ATP8B4: variants seen among roughly 807,000 people sequenced by gnomAD.
ATP8B4 encodes ATPase phospholipid transporting 8B4 (putative), also known as probable phospholipid-transporting ATPase IM.
ATP8B4 carries 133 observed loss-of-function variants against 145.6 expected under a neutral mutation model. The ratio of observed to expected loss-of-function variants is 0.91; its 90% CI spans 0.79 to 1.05. ATP8B4 has a LOEUF of 1.05. Ranked by LOEUF, ATP8B4 falls within the 50% of genes least tolerant of loss-of-function variation. The pLI is 0.00. For synonymous variants in ATP8B4, 507 were observed against 492.9 expected, an observed-to-expected ratio of 1.03 and a Z score of -0.38; for missense variants, 1,458 against 1,425.2, an observed-to-expected ratio of 1.02 and a Z score of -0.37.
At chr15:50,162,446 T>G (rs2044534105) in intron 1 of ATP8B4, among the ~76,000 whole-genome samples, 1 of 152,122 alleles carries the variant, frequency 6.6e-6, no homozygotes, top group East Asian at 1.9e-4. Flanking sequence ...TTGAGACCAA[T>G]GACTCTTAGA....
chr15:49,862,168 T>C, intron 27 of ATP8B4, 77 bp downstream of exon 27: 1 of 1,518,224 alleles, frequency 6.6e-7, no homozygotes, highest in South Asian at 1.2e-5. Flanking sequence ...ATCTCTGAGC[T>C]TCCAATAAGG....
intron 6 of ATP8B4, among the ~76,000 whole-genome samples, chr15:50,020,527 C>T (rs775121781): frequency 6.6e-6 from 1 of 152,164 alleles, no homozygotes; most frequent in Non-Finnish European, 1.5e-5. Flanking sequence ...CCGCCTCAGC[C>T]TCCCAAAGTG....
At chr15:49,917,587 C>A (rs2039872563) in intron 19 of ATP8B4, among the ~76,000 whole-genome samples, 1 of 152,118 alleles carries the variant, frequency 6.6e-6, no homozygotes, top group South Asian at 2.1e-4. Flanking sequence ...ATTTGACTAT[C>A]ATCTCAAAAA....
intron 14 of ATP8B4, among the ~76,000 whole-genome samples, chr15:49,957,680 T>A (rs1173798968): frequency 6.6e-6 from 1 of 151,740 alleles, no homozygotes; most frequent in Non-Finnish European, 1.5e-5. Context: ...ATTGAATGAG[T>A]CAAAAAAGAG....
At chr15:50,148,917 T>C (rs74012175) in intron 1 of ATP8B4, among the ~76,000 whole-genome samples, 8,491 of 152,294 alleles carry the variant, frequency 0.056, 268 homozygotes, top group African/African-American at 0.085. Context: ...GAATAAAATG[T>C]TATATTGTCT....
intron 26 of ATP8B4, among the ~76,000 whole-genome samples, chr15:49,862,971 C>A (rs554384678): frequency 7.9e-5 from 12 of 152,228 alleles, no homozygotes; most frequent in African/African-American, 2.9e-4. Context: ...TACAAAGCAG[C>A]CATTATTTTT....
intron 14 of ATP8B4, among the ~76,000 whole-genome samples, chr15:49,950,590 T>TAAAAAAAAAA (rs766902500): frequency 1.5e-4 from 7 of 46,316 alleles, no homozygotes; most frequent in African/African-American, 3.4e-4. Context: ...ATGTATTAAC[T>TAAAAAAAAAA]AAAAAAAAAA....
intron 3 of ATP8B4, among the ~76,000 whole-genome samples, chr15:50,048,544 C>T (rs1284030982): frequency 6.6e-6 from 1 of 151,852 alleles, no homozygotes; most frequent in African/African-American, 2.4e-5. Context: ...CCCCTCTCTA[C>T]TACAAATACA....
At chr15:49,921,577 G>C (rs1184823986) in intron 17 of ATP8B4, among the ~76,000 whole-genome samples, 1 of 152,182 alleles carries the variant, frequency 6.6e-6, no homozygotes, top group Non-Finnish European at 1.5e-5. Flanking sequence ...TACACTGCAA[G>C]TAAAGCATTT....
At chr15:49,875,263 CT>C (rs1362645994) in intron 25 of ATP8B4, among the ~76,000 whole-genome samples, 1 of 152,108 alleles carries the variant, frequency 6.6e-6, no homozygotes, top group Non-Finnish European at 1.5e-5. Flanking sequence ...AGATAGTGGC[CT>C]TTTATTTCAG....
intron 3 of ATP8B4, among the ~76,000 whole-genome samples, chr15:50,048,477 G>T (rs1023234976): frequency 6.6e-6 from 1 of 152,202 alleles, no homozygotes; most frequent in Admixed American, 6.5e-5. Context: ...GGAGGCAGAG[G>T]TAGGTGGATC....
intron 2 of ATP8B4, among the ~76,000 whole-genome samples, chr15:50,076,383 T>G (rs1263571254): frequency 6.6e-6 from 1 of 152,004 alleles, no homozygotes; most frequent in East Asian, 1.9e-4. Flanking sequence ...TCCCAGCTAC[T>G]TGGGAGGCTG....
At chr15:49,971,188 GC>G (rs2153521019) in intron 13 of ATP8B4, among the ~76,000 whole-genome samples, 1 of 152,070 alleles carries the variant, frequency 6.6e-6, no homozygotes, top group African/African-American at 2.4e-5. Context: ...CCTAGGCAAT[GC>G]CATTCAGGAC....
chr15:50,073,951 A>G (rs1251744811), intron 3 of ATP8B4, among the ~76,000 whole-genome samples, 176 bp downstream of exon 3: 1 of 152,220 alleles, frequency 6.6e-6, no homozygotes, highest in Non-Finnish European at 1.5e-5. Context: ...TGGGAGAGAA[A>G]TATGTTTGTA....
intron 2 of ATP8B4, among the ~76,000 whole-genome samples, chr15:50,089,596 G>A (rs1198534479): frequency 6.6e-6 from 1 of 152,036 alleles, no homozygotes; most frequent in Non-Finnish European, 1.5e-5. Context: ...AGTCAGAATG[G>A]CAATTATTAA....
At position 50,114,098 on chromosome 15, in the gene ATP8B4, AGTTT is replaced by A. The variant is rs141653089; in HGVS notation, c.-43+5021_-43+5024del. Reference sequence around the variant, plus strand: ...TGTTCATTTTCCTTCTTGGTCTCCTAGTTTCTTTTTTTTTTTTTTTTTTTTTTTT... The same window carrying A: ...TGTTCATTTTCCTTCTTGGTCTCCTACTTTTTTTTTTTTTTTTTTTTTTTT... On this transcript the variant is annotated intron_variant, in intron 1 of 27. Transcript: ENST00000284509. Among the ~76,000 whole-genome samples, 113 of 28,846 alleles carry A rather than the reference AGTTT, an allele frequency of 3.9e-3. 7 individuals carry two copies. The highest frequency in any genetic ancestry group is 6.1e-3 in the South Asian group (6 of 984). 18.9% of individuals were successfully genotyped at this position (28,846 alleles called of 152,430 possible). A position where few individuals can be genotyped will look rare whatever the true frequency, so the allele number is the denominator to read the frequency against.
chr15:50,085,980 A>ATATATATATGAT (rs1567331562), intron 2 of ATP8B4, among the ~76,000 whole-genome samples: 14 of 20,620 alleles, frequency 6.8e-4, no homozygotes, highest in African/African-American at 3.5e-3. Context: ...TGATATATCA[A>ATATATATATGAT]ATATATCATA....
At chr15:50,156,073 A>AAT (rs1208588077) in intron 1 of ATP8B4, among the ~76,000 whole-genome samples, 4 of 52,858 alleles carry the variant, frequency 7.6e-5, no homozygotes, top group African/African-American at 4.1e-4. Flanking sequence ...TAAATAAATA[A>AAT]ATATATATAT....
intron 14 of ATP8B4, among the ~76,000 whole-genome samples, chr15:49,948,697 A>C (rs530712951): frequency 6.6e-6 from 1 of 152,314 alleles, no homozygotes; most frequent in East Asian, 1.9e-4. Context: ...TATGGATATT[A>C]GACCTTTGTC....
Sources: gnomAD v4.1 joint callset for allele counts (sites outside exome capture counted in the v4.1 genomes callset) on GRCh38, gnomAD v4.1.1 for gene constraint, MANE v1.5 for transcripts, NCBI Gene and HGNC (gene_info 2026-07-23, HGNC 2026-07-21) for gene names.